The following TENM1 variants were observed in gnomAD, a reference collection of about 807,000 sequenced individuals.
TENM1 encodes teneurin transmembrane protein 1.
A neutral mutation model predicts 174.8 loss-of-function variants in TENM1; 35 were observed. The observed-to-expected ratio is 0.20, with a 90% CI of 0.15 to 0.27. The LOEUF (loss-of-function observed/expected upper bound fraction) is 0.27. Among genes scored for constraint, TENM1 ranks in the 10% least tolerant of loss-of-function variants. The probability of loss-of-function intolerance (pLI) is 1.00; values close to 1 mark genes in which losing one functional copy is unlikely to be tolerated. For missense variants in TENM1, 1,633 were observed against 2,130.1 expected (o/e 0.77, Z 4.59); for synonymous variants, 781 against 798.7 (o/e 0.98, Z 0.37).
At chrX:125,168,041 CTGTG>C in the TENM1 span, among the ~76,000 whole-genome samples, 4 of 111,272 alleles carry the variant, frequency 3.6e-5, no homozygotes, top group East Asian at 2.8e-4. Context: ...GTGTGTCTGT[CTGTG>C]TGTTTGTCAT....
At chrX:124,983,885 G>A in the TENM1 span, among the ~76,000 whole-genome samples, 6 of 111,279 alleles carry the variant, frequency 5.4e-5, no homozygotes, top group Non-Finnish European at 1.1e-4. Context: ...GCCTCCCAAA[G>A]ATTACAAGCA....
At chrX:124,788,777 T>C (rs768125490) in intron 3 of TENM1, among the ~76,000 whole-genome samples, 136 of 112,647 alleles carry the variant, frequency 1.2e-3, no homozygotes, top group African/African-American at 4.0e-3. Flanking sequence ...ATAGCCCCCC[T>C]CATGGCTGCT....
chrX:125,124,703 G>A, the TENM1 span, among the ~76,000 whole-genome samples: 3 of 112,327 alleles, frequency 2.7e-5, no homozygotes, highest in Non-Finnish European at 3.8e-5. Context: ...GTAAAAGGCA[G>A]AATTTCTTGA....
intron 25 of TENM1, among the ~76,000 whole-genome samples, chrX:124,417,497 C>A (rs2060607253): frequency 9.0e-6 from 1 of 111,411 alleles, no homozygotes; most frequent in Non-Finnish European, 1.9e-5. Context: ...CTGGTGTGAG[C>A]CACTGTGCCT....
At chrX:125,195,065 T>A in the TENM1 span, among the ~76,000 whole-genome samples, 5 of 111,956 alleles carry the variant, frequency 4.5e-5, no homozygotes, top group Admixed American at 2.8e-4. Flanking sequence ...GAAGGTTTGA[T>A]AAATTAGCAA....
At chrX:124,638,176 GAGA>G (rs1271497665) in intron 11 of TENM1, among the ~76,000 whole-genome samples, 1 of 111,153 alleles carries the variant, frequency 9.0e-6, no homozygotes, top group Non-Finnish European at 1.9e-5. Context: ...CTGGAAGAGA[GAGA>G]AGGAGGGGGC....
the TENM1 span, among the ~76,000 whole-genome samples, chrX:125,046,798 T>C: frequency 5.5e-4 from 61 of 110,214 alleles, no homozygotes; most frequent in African/African-American, 2.0e-3. Flanking sequence ...AAAGAACTGA[T>C]AGCAGATTTA....
intron 4 of TENM1, among the ~76,000 whole-genome samples, chrX:124,705,892 CTGTT>C (rs60240978): frequency 0.02 from 2,168 of 110,580 alleles, 30 homozygotes; most frequent in African/African-American, 0.036. Flanking sequence ...GTTTCTGTTT[CTGTT>C]TGTTTGTTTG....
chrX:124,902,628 C>T (rs2057682063), intron 1 of TENM1, among the ~76,000 whole-genome samples: 1 of 112,257 alleles, frequency 8.9e-6, no homozygotes, highest in African/African-American at 3.2e-5. Context: ...ATTTTCACTA[C>T]TGGGTACCAT....
chrX:124,916,900 C>T (rs758785725), intron 1 of TENM1, among the ~76,000 whole-genome samples: 16 of 110,332 alleles, frequency 1.5e-4, no homozygotes, highest in Non-Finnish European at 3.0e-4. Flanking sequence ...GAACCGTGAG[C>T]CAATAAATTT....
At chrX:124,970,790 G>A in the TENM1 span, among the ~76,000 whole-genome samples, 1 of 111,022 alleles carries the variant, frequency 9.0e-6, no homozygotes. Flanking sequence ...TACTGGGTAT[G>A]TACCCAAAGG....
rs200006841 is a variant in TENM1, at chrX:124,583,807, G to A, written c.2078-18247C>T. 2.4e-3 allele frequency among the ~76,000 whole-genome samples: 254 copies of A among 104,762 alleles called. 1 individual carries two copies. The highest frequency in any genetic ancestry group is 8.5e-3 in the African/African-American group (238 of 28,026). 91.0% of individuals were successfully genotyped at this position (104,762 alleles called of 115,157 possible). On this transcript the variant is annotated intron_variant, in intron 11 of 31. Coordinates refer to ENST00000422452, the Ensembl canonical transcript of TENM1. The stretch of plus-strand genomic sequence containing the variant: ...CTTTGAAAAAAATTTAGAAGAATGT[G>A]TAACTAGAATAACCAATACAGAGAA...
chrX:124,791,005 A>G (rs1843302112), intron 3 of TENM1, among the ~76,000 whole-genome samples: 1 of 111,712 alleles, frequency 9.0e-6, no homozygotes, highest in South Asian at 3.7e-4. Context: ...AATTAGCCTG[A>G]GCCCTTGTTG....
the TENM1 span, among the ~76,000 whole-genome samples, chrX:125,130,329 T>C: frequency 9.0e-6 from 1 of 111,230 alleles, no homozygotes; most frequent in Non-Finnish European, 1.9e-5. Flanking sequence ...TTTTCTAAAA[T>C]ATTATACTAC....
chrX:124,659,354 TAAG>T lies in TENM1; in HGVS notation c.1169-5574_1169-5572del, dbSNP rs1312756582. ...TGCAATGAAAACTCCAAAGTGAAAT[TAAG>T]AAGAGAATGTCCATTTGTAATATCA... On this transcript the variant is annotated intron_variant, in intron 6 of 31. Coordinates refer to ENST00000422452, the Ensembl canonical transcript of TENM1. Among the ~76,000 whole-genome samples, 4 of 111,677 alleles carry T rather than the reference TAAG, an allele frequency of 3.6e-5. No homozygotes were observed. In the Admixed American group the frequency reaches 3.8e-4, roughly 11 times the overall value.
chrX:125,142,560 A>G, the TENM1 span, among the ~76,000 whole-genome samples: 3 of 110,632 alleles, frequency 2.7e-5, no homozygotes, highest in African/African-American at 9.9e-5. Context: ...ATTTTACTTA[A>G]AAACATTATT....
At chrX:124,900,599 AAAC>A (rs1402943563) in intron 1 of TENM1, among the ~76,000 whole-genome samples, 1 of 111,328 alleles carries the variant, frequency 9.0e-6, no homozygotes, top group Non-Finnish European at 1.9e-5. Flanking sequence ...CCAGATATTA[AAAC>A]AACAAGGAGA....
At chrX:125,012,090 A>C in the TENM1 span, among the ~76,000 whole-genome samples, 1 of 111,625 alleles carries the variant, frequency 9.0e-6, no homozygotes, top group African/African-American at 3.3e-5. Flanking sequence ...AGGAACAGAA[A>C]ACGAAACACC....
chrX:124,480,442 AG>A lies in TENM1; in HGVS notation c.3949+1289del, dbSNP rs200997364. On this transcript the variant is annotated intron_variant, in intron 22 of 31. Transcript: ENST00000422452. ...TAACCTCTTAAAATTTAAAGTAATA[AG>A]TGACCATCTAATAAATTAAACACAT... Among the ~76,000 whole-genome samples, 1,027 of 112,338 alleles carry A rather than the reference AG, an allele frequency of 9.1e-3. 13 individuals carry two copies. Among genetic ancestry groups the A allele is most frequent in the African/African-American group, 0.031 (975 of 30,965 alleles).
Sources: gnomAD v4.1 joint callset for allele counts (sites outside exome capture counted in the v4.1 genomes callset) on GRCh38, gnomAD v4.1.1 for gene constraint, MANE v1.5 for transcripts, NCBI Gene and HGNC (gene_info 2026-07-23, HGNC 2026-07-21) for gene names.